CACNA1C: variants seen among roughly 807,000 people sequenced by gnomAD.
CACNA1C encodes the protein calcium voltage-gated channel subunit alpha1 C, also known as voltage-dependent L-type calcium channel subunit alpha-1C.
Under a neutral mutation model 229.0 loss-of-function variants are expected in CACNA1C, and 30 were observed. That is an observed-to-expected ratio of 0.13 (90% CI 0.10 to 0.18). The LOEUF (loss-of-function observed/expected upper bound fraction) is 0.18, where lower values mean the gene tolerates loss of function less well. Among genes scored for constraint, CACNA1C ranks in the 10% least tolerant of loss-of-function variants. The probability of loss-of-function intolerance (pLI) is 1.00; values close to 1 mark genes in which losing one functional copy is unlikely to be tolerated. For missense variants in CACNA1C, 1,658 were observed against 2,845.0 expected, an observed-to-expected ratio of 0.58 and a Z score of 9.49; for synonymous variants, 1,114 against 1,132.5, an observed-to-expected ratio of 0.98 and a Z score of 0.33.
intron 1 of CACNA1C, among the ~76,000 whole-genome samples, chr12:2,024,717 G>T (rs2047015095): frequency 6.6e-6 from 1 of 152,236 alleles, no homozygotes; most frequent in Non-Finnish European, 1.5e-5. Context: ...CTGTGTCTTG[G>T]GATTTGATTA....
chr12:2,477,928 G>A (rs997882948), intron 5 of CACNA1C, among the ~76,000 whole-genome samples: 1 of 151,956 alleles, frequency 6.6e-6, no homozygotes, highest in African/African-American at 2.4e-5. Context: ...GAAATATCTA[G>A]TAGGCTTATG....
At chr12:2,551,964 C>A (rs1226745941) in intron 10 of CACNA1C, among the ~76,000 whole-genome samples, 1 of 152,090 alleles carries the variant, frequency 6.6e-6, no homozygotes, top group African/African-American at 2.4e-5. Context: ...GGTGGACACA[C>A]ATGTTTGAGG....
At chr12:2,349,555 T>C (rs1212232532) in intron 3 of CACNA1C, among the ~76,000 whole-genome samples, 2 of 152,114 alleles carry the variant, frequency 1.3e-5, no homozygotes, top group African/African-American at 4.8e-5. Context: ...GTCTGCCCCC[T>C]GCCCTCCTCC....
In CACNA1C at chr12:2,679,796, G is replaced by C. The variant is rs374425919; in HGVS notation, c.5444G>C (p.Arg1815Thr). 188 of 1,553,566 alleles carry C rather than the reference G, an allele frequency of 1.2e-4. No homozygotes were observed. Among genetic ancestry groups the C allele is most frequent in the Non-Finnish European group, 1.7e-5 (19 of 1,146,586 alleles). Residue 1815 changes from arginine (R) to threonine (T), a missense_variant and splice_region_variant, in exon 42 of 47, where the codon AGG (arginine) becomes ACG (threonine). Coordinates refer to ENST00000399655, the MANE Select transcript of CACNA1C (RefSeq NM_000719.7). This position sits in a 1 kb window ranked among gnomAD's most constrained non-coding sequence, Gnocchi z 5.5. ...QEVAWKLSSN[R>T]CHSRESQAAM... ...GTGGCGTGGAAGCTCAGCTCCAACA[G>C]GTAAGTGGGAGGCTGGCCACCCCAG...
chr12:2,034,968 A>G lies in CACNA1C; in HGVS notation c.139+63767A>G, dbSNP rs1594114440. 6.8e-6 allele frequency among the ~76,000 whole-genome samples: 1 copy of G among 146,444 alleles called. No homozygotes were observed. The highest frequency in any genetic ancestry group is 2.1e-4 in the South Asian group (1 of 4,724). On this transcript the variant is annotated intron_variant, in intron 1 of 46. Coordinates refer to the CACNA1C transcript ENST00000682462. The surrounding 1 kb of genome is among the most constrained non-coding windows in gnomAD (Gnocchi z 4.1). Reference sequence around the variant, plus strand: ...GGCGAGGCGAGGGGGTGAAGAGGAGAAGGAGGTCTGGGCACTGGAAGCGGC... The same window carrying G: ...GGCGAGGCGAGGGGGTGAAGAGGAGGAGGAGGTCTGGGCACTGGAAGCGGC...
Position 2,605,568 on chromosome 12 carries a change from C to T in CACNA1C, c.3049-111C>T. 2 of 771,982 alleles carry T rather than the reference C, an allele frequency of 2.6e-6. No homozygotes were observed. The highest frequency in any genetic ancestry group is 4.6e-6 in the Non-Finnish European group (2 of 436,980). The allele number at this position is 771,982 out of a possible 1,614,324, so 47.8% of individuals were successfully genotyped here. Reference sequence around the variant, plus strand: ...ACTTTGGGAGCGTGGCTTTGCCCCTCTCAGCCCAATTACTCCCCGTTGTGG... The same window carrying T: ...ACTTTGGGAGCGTGGCTTTGCCCCTTTCAGCCCAATTACTCCCCGTTGTGG... On this transcript the variant is annotated intron_variant, in intron 23 of 46. Transcript: ENST00000399655. This position sits in a 1 kb window ranked among gnomAD's most constrained non-coding sequence, Gnocchi z 6.2.
Position 2,655,176 on chromosome 12 carries a change from C to T in CACNA1C, c.4170C>T (p.Thr1390=), listed in dbSNP as rs587780878. The change falls in exon 34 of 47, where the codon ACC becomes ACT. Residue 1390 remains threonine, a synonymous_variant. Coordinates refer to ENST00000399655, the MANE Select transcript of CACNA1C (RefSeq NM_000719.7). The part of the protein sequence containing the change: ...QVFGKIALND[T]TEINRNNNFQ... ...TTGGGAAAATTGCCCTGAATGATAC[C>T]ACAGAGATCAACCGGAACAACAACT... The T allele has an allele frequency of 3.4e-5, 55 of 1,613,236 alleles. No individual in the cohort carries two copies. Among genetic ancestry groups the T allele is most frequent in the Non-Finnish European group, 4.5e-5 (53 of 1,179,398 alleles).
At chr12:2,351,917 T>G (rs73605795) in intron 3 of CACNA1C, among the ~76,000 whole-genome samples, 2,031 of 152,256 alleles carry the variant, frequency 0.013, 46 homozygotes, top group African/African-American at 0.046. Flanking sequence ...CTCTGGAAAG[T>G]CCTGAGGACA....
At chr12:2,313,440 A>G (rs1480124473) in intron 3 of CACNA1C, among the ~76,000 whole-genome samples, 3 of 152,220 alleles carry the variant, frequency 2.0e-5, no homozygotes, top group Non-Finnish European at 4.4e-5. Context: ...GCCCTCTGGT[A>G]GGACACGAAT....
chr12:2,021,207 T>C (rs1290839390), intron 1 of CACNA1C, among the ~76,000 whole-genome samples: 1 of 152,214 alleles, frequency 6.6e-6, no homozygotes, highest in Non-Finnish European at 1.5e-5. Flanking sequence ...TATGTTGTCA[T>C]TTTTATCTTA....
chr12:2,080,558 G>A (rs527717263), intron 1 of CACNA1C, among the ~76,000 whole-genome samples: 7 of 150,134 alleles, frequency 4.7e-5, no homozygotes, highest in Admixed American at 2.0e-4. Flanking sequence ...CCAAGATCGC[G>A]CCACTGCACT....
chr12:2,573,807 C>A (rs1467991883), intron 13 of CACNA1C, among the ~76,000 whole-genome samples: 6 of 152,184 alleles, frequency 3.9e-5, no homozygotes, highest in African/African-American at 1.4e-4. Flanking sequence ...AACATAATAG[C>A]ATCACTCTGT....
At chr12:2,482,102 A>G (rs1454656039) in intron 5 of CACNA1C, among the ~76,000 whole-genome samples, 16 of 152,248 alleles carry the variant, frequency 1.1e-4, no homozygotes, top group Admixed American at 1.0e-3. Context: ...TCTACATGGC[A>G]GGGTAGAGAG....
At chr12:2,176,165 G>A (rs1347704824) in intron 3 of CACNA1C, among the ~76,000 whole-genome samples, 1 of 152,134 alleles carries the variant, frequency 6.6e-6, no homozygotes, top group African/African-American at 2.4e-5. Flanking sequence ...AATAGGGTAA[G>A]CAGGCTCAGG....
intron 37 of CACNA1C, among the ~76,000 whole-genome samples, chr12:2,668,298 G>A (rs539536018): frequency 2.0e-5 from 3 of 152,258 alleles, no homozygotes; most frequent in East Asian, 1.9e-4. Context: ...AAGGTCTAAT[G>A]AGGACAAATT....
At chr12:2,626,444 T>C (rs377135416) in intron 29 of CACNA1C, among the ~76,000 whole-genome samples, 164 of 152,298 alleles carry the variant, frequency 1.1e-3, no homozygotes, top group African/African-American at 3.8e-3. Context: ...ATTCAAGCCC[T>C]CCCATAGCAA....
chr12:1,982,994 T>C (rs1284029440), intron 1 of CACNA1C, among the ~76,000 whole-genome samples: 1 of 152,084 alleles, frequency 6.6e-6, no homozygotes, highest in South Asian at 2.1e-4. Context: ...TTGAGTTAAT[T>C]CTGATGATTT....
At chr12:2,266,442 G>A (rs1020151206) in intron 3 of CACNA1C, among the ~76,000 whole-genome samples, 2 of 152,210 alleles carry the variant, frequency 1.3e-5, no homozygotes, top group Admixed American at 6.5e-5. Flanking sequence ...TGACCCTCTC[G>A]TGCTCTAGGC....
intron 3 of CACNA1C, among the ~76,000 whole-genome samples, chr12:2,310,496 T>C (rs1216849553): frequency 6.6e-6 from 1 of 152,092 alleles, no homozygotes; most frequent in Non-Finnish European, 1.5e-5. Context: ...TGTTTAGAGA[T>C]GCTATAAAGA....
Sources: gnomAD v4.1 joint callset for allele counts (sites outside exome capture counted in the v4.1 genomes callset) on GRCh38, gnomAD v4.1.1 for gene constraint, Gnocchi (gnomAD v3.1) non-coding constraint, MANE v1.5 for transcripts, NCBI Gene and HGNC (gene_info 2026-07-23, HGNC 2026-07-21) for gene names.